Variants in UBE2F observed in about 807,000 individuals in gnomAD.
UBE2F encodes the protein NEDD8-conjugating enzyme UBE2F.
Under a neutral mutation model 29.6 loss-of-function variants are expected in UBE2F, and 5 were observed. The ratio of observed to expected loss-of-function variants is 0.17; its 90% CI spans 0.09 to 0.36. The LOEUF (loss-of-function observed/expected upper bound fraction) is 0.36, where lower values mean the gene tolerates loss of function less well. UBE2F is among the 10% of genes least tolerant of loss of function. UBE2F has a pLI of 1.00. For synonymous variants in UBE2F, 66 were observed against 81.8 expected (o/e 0.81, Z 1.04); for missense variants, 141 against 228.5 (o/e 0.62, Z 2.47).
rs139270010 is a variant in UBE2F at position 237,981,614 on chromosome 2, C to CTT, written c.119-6320_119-6319dup. ...TGATGCTCATCTTGGAATTTGAATT[C>CTT]TTTTTTTTTTTTTTTTTTTTTTTTT... On this transcript the variant is annotated intron_variant, in intron 2 of 9. Transcript: ENST00000272930. 4.2e-4 allele frequency among the ~76,000 whole-genome samples: 26 copies of CTT among 62,396 alleles called. 2 individuals are homozygous for CTT. The highest frequency in any genetic ancestry group is 7.0e-4 in the African/African-American group (11 of 15,718). The allele number at this position is 62,396 out of a possible 152,430, so 40.9% of individuals were successfully genotyped here.
rs377324979 is a variant in UBE2F, at chr2:238,040,153, A to C, written c.508-1135A>C. Among the ~76,000 whole-genome samples, 30 of 152,240 alleles carry C rather than the reference A, an allele frequency of 2.0e-4. No homozygotes were observed. The highest frequency in any genetic ancestry group is 6.5e-4 in the African/African-American group (27 of 41,534). Reference sequence around the variant, plus strand: ...TCATGGGACCGTATCCATAGCTTCAAATTGGGAACTTGCCCGCCCTGGAAA... The same window carrying C: ...TCATGGGACCGTATCCATAGCTTCACATTGGGAACTTGCCCGCCCTGGAAA... On this transcript the variant is annotated intron_variant, in intron 9 of 9. Transcript: ENST00000272930. This position sits in a 1 kb window ranked among gnomAD's most constrained non-coding sequence, Gnocchi z 4.4.
intron 5 of UBE2F, among the ~76,000 whole-genome samples, chr2:238,021,221 C>T (rs540482429): frequency 3.3e-5 from 5 of 152,138 alleles, no homozygotes; most frequent in Non-Finnish European, 7.3e-5. Context: ...ATGGCCAGCC[C>T]GGAGGGACTA....
chr2:237,973,790 A>T (rs934213955), intron 2 of UBE2F: 1 of 938,346 alleles, frequency 1.1e-6, no homozygotes, highest in Non-Finnish European at 1.4e-6. Flanking sequence ...GGTAAAATGT[A>T]TGAGAGTATG....
chr2:237,981,020 G>A (rs2063367361), intron 2 of UBE2F, among the ~76,000 whole-genome samples: 1 of 152,230 alleles, frequency 6.6e-6, no homozygotes, highest in African/African-American at 2.4e-5. Flanking sequence ...AAGGAAAAGA[G>A]TCTAATCTAT....
chr2:238,037,340 G>C (rs821514), intron 9 of UBE2F, among the ~76,000 whole-genome samples: 127,133 of 152,302 alleles, frequency 0.83, 53,166 homozygotes, highest in East Asian at 0.97. Context: ...GGTTTTAACT[G>C]TCTGATAAAA....
chr2:238,012,869 TACTA>T (rs1347702932), intron 4 of UBE2F, among the ~76,000 whole-genome samples: 3 of 152,206 alleles, frequency 2.0e-5, no homozygotes, highest in African/African-American at 7.2e-5. Context: ...GGTTTGAAGT[TACTA>T]AATGAAGTTT....
At chr2:238,013,061 G>A (rs1466438602) in intron 4 of UBE2F, among the ~76,000 whole-genome samples, 3 of 152,104 alleles carry the variant, frequency 2.0e-5, no homozygotes, top group South Asian at 2.1e-4. Flanking sequence ...CAGATCGCTT[G>A]TGGTCAGGAG....
chr2:238,010,214 C>A (rs7571676), intron 4 of UBE2F, among the ~76,000 whole-genome samples: 4,028 of 151,982 alleles, frequency 0.027, 168 homozygotes, highest in African/African-American at 0.093. Flanking sequence ...TGCTTTATTG[C>A]CCAGGCTGGA....
chr2:238,005,166 A>G (rs1052900413), intron 4 of UBE2F, among the ~76,000 whole-genome samples: 2 of 152,234 alleles, frequency 1.3e-5, no homozygotes, highest in Admixed American at 1.3e-4. Flanking sequence ...ATCTTTGTCT[A>G]AGAAATACAA....
intron 4 of UBE2F, among the ~76,000 whole-genome samples, chr2:237,999,888 G>A (rs957081770): frequency 1.3e-5 from 2 of 149,854 alleles, no homozygotes; most frequent in African/African-American, 2.5e-5. Flanking sequence ...GCAGTGGCGC[G>A]ATCTCAGCTC....
intron 4 of UBE2F, chr2:238,003,525 G>T: frequency 2.5e-6 from 1 of 404,960 alleles, no homozygotes; most frequent in South Asian, 1.8e-5. Context: ...CAGGCTTCCT[G>T]AAGTGAGTAT....
At chr2:238,007,985 A>C (rs1348192998) in intron 4 of UBE2F, among the ~76,000 whole-genome samples, 3 of 151,854 alleles carry the variant, frequency 2.0e-5, no homozygotes, top group African/African-American at 7.3e-5. Flanking sequence ...ACAAGGTCTT[A>C]CTCTCTTGCC....
At chr2:237,990,111 C>CA (rs146262180) in intron 3 of UBE2F, among the ~76,000 whole-genome samples, 33 of 84,128 alleles carry the variant, frequency 3.9e-4, no homozygotes, top group South Asian at 7.9e-4. Context: ...GAGACTGTCT[C>CA]AAAAAAAAAA....
intron 9 of UBE2F, among the ~76,000 whole-genome samples, chr2:238,039,823 T>A (rs1260047705): frequency 6.6e-6 from 1 of 152,184 alleles, no homozygotes; most frequent in African/African-American, 2.4e-5. Context: ...ACATGGCATC[T>A]TTTGTCCTCC....
At chr2:237,993,169 G>C (rs1187856821) in intron 3 of UBE2F, among the ~76,000 whole-genome samples, 1 of 152,002 alleles carries the variant, frequency 6.6e-6, no homozygotes, top group Non-Finnish European at 1.5e-5. Context: ...TGTATTTTTA[G>C]TAGAGACGGG....
intron 3 of UBE2F, among the ~76,000 whole-genome samples, chr2:237,990,751 ACT>A (rs1233932871): frequency 2.0e-5 from 3 of 147,864 alleles, no homozygotes; most frequent in Admixed American, 6.7e-5. Context: ...ACAGAGTGAG[ACT>A]CTGTCTCAAA....
intron 5 of UBE2F, among the ~76,000 whole-genome samples, chr2:238,017,616 G>A (rs970756952): frequency 6.0e-4 from 92 of 152,284 alleles, no homozygotes; most frequent in African/African-American, 2.1e-3. Flanking sequence ...CTTCAGGGAC[G>A]GGTGTGATGT....
chr2:238,036,018 TGAGAA>T, intron 9 of UBE2F, 78 bp downstream of exon 9: 3 of 1,324,872 alleles, frequency 2.3e-6, no homozygotes, highest in Non-Finnish European at 3.2e-6. Context: ...ATTGGATAAA[TGAGAA>T]ATTTATCCAC....
intron 2 of UBE2F, chr2:237,986,057 C>T: frequency 1.2e-5 from 3 of 240,868 alleles, no homozygotes; most frequent in South Asian, 3.9e-5. Flanking sequence ...TGTGTGATTT[C>T]CTTATATATT....
Sources: allele counts gnomAD v4.1 joint callset (sites outside exome capture counted in the v4.1 genomes callset), GRCh38; gene constraint gnomAD v4.1.1; non-coding constraint Gnocchi (gnomAD v3.1); transcripts MANE v1.5; gene names NCBI Gene and HGNC (gene_info 2026-07-23, HGNC 2026-07-21).